Variants in LSG1 observed in about 807,000 individuals in gnomAD.
The protein encoded by LSG1 is large subunit GTPase 1 homolog.
A neutral mutation model predicts 82.6 loss-of-function variants in LSG1; 55 were observed. That is an observed-to-expected ratio of 0.67 (90% CI 0.54 to 0.83). LSG1 has a LOEUF of 0.83. LSG1 is among the 40% of genes least tolerant of loss of function. The pLI, the probability that LSG1 is intolerant of heterozygous loss-of-function variation, is 0.00. For missense variants in LSG1, 809 were observed against 807.9 expected (o/e 1.00, Z -0.02); for synonymous variants, 272 against 282.5 (o/e 0.96, Z 0.37).
intron 10 of LSG1, chr3:194,649,169 T>C (rs1161710950): frequency 2.3e-5 from 5 of 222,180 alleles, no homozygotes; most frequent in Non-Finnish European, 4.4e-5. Context: ...AGGATTACTT[T>C]TCCTCCTTTG....
At position 194,666,837 on chromosome 3, in the gene LSG1, C is replaced by A. The variant is rs186064416; in HGVS notation, c.227-265G>T. 3.3e-3 allele frequency among the ~76,000 whole-genome samples: 504 copies of A among 152,252 alleles called. 3 individuals are homozygous for A. Among genetic ancestry groups the A allele is most frequent in the Non-Finnish European group, 5.9e-3 (404 of 68,024 alleles). Reference sequence around the variant, plus strand: ...CACATTTTCCCTGCTATTGAACATTCAGTTTCCAAGTTTTCATTATTAAAA... The same window carrying A: ...CACATTTTCCCTGCTATTGAACATTAAGTTTCCAAGTTTTCATTATTAAAA... On this transcript the variant is annotated intron_variant, in intron 2 of 13. Transcript: ENST00000265245.
chr3:194,662,625 G>T (rs1202393065), intron 5 of LSG1, among the ~76,000 whole-genome samples: 1 of 152,164 alleles, frequency 6.6e-6, no homozygotes, highest in African/African-American at 2.4e-5. Context: ...AGCCGGGCGT[G>T]GTGGCGCGTG....
Position 194,642,195 on chromosome 3 carries a change from G to A in LSG1, c.1850C>T (p.Pro617Leu), listed in dbSNP as rs771409056. 2.4e-5 allele frequency: 38 copies of A among 1,613,822 alleles called. No homozygotes were observed. The South Asian group carries it at 3.7e-4, about 16-fold the overall frequency. Residue 617 changes from proline to leucine, a missense_variant, in exon 14 of 14, where the codon CCC (proline) becomes CTC (leucine). Transcript: ENST00000265245. ...GGATGCAGTCACTACACCACTCCCGGGCTTGTAACCCATCACAGCCTGGAC... is the reference window on the plus strand; with the variant it reads ...GGATGCAGTCACTACACCACTCCCGAGCTTGTAACCCATCACAGCCTGGAC... Reference protein sequence around the residue: ...KGVQAVMGYKPGSGVVTASTA... With the variant: ...KGVQAVMGYKLGSGVVTASTA...
chr3:194,648,859 A>T, intron 10 of LSG1, 55 bp from the exon 11 acceptor site: 1 of 1,601,778 alleles, frequency 6.2e-7, no homozygotes, highest in Non-Finnish European at 8.5e-7. Context: ...CCCATGGCAT[A>T]CAAATCGTGC....
In LSG1 at chr3:194,648,721, G is replaced by C. The variant is rs1718606962; in HGVS notation, c.1503C>G (p.His501Gln). ...IITPREDEDP[H>Q]RPPTSEELLT... Reference sequence around the variant, plus strand: ...ACAGTTCTTCCGATGTTGGAGGTCGGTGGGGATCTTCATCCTCTCTAGGCG... The same window carrying C: ...ACAGTTCTTCCGATGTTGGAGGTCGCTGGGGATCTTCATCCTCTCTAGGCG... Residue 501 changes from histidine (H) to glutamine (Q), a missense_variant, in exon 11 of 14, where the codon CAC becomes CAG. Physicochemically the swap from His to Gln is conservative, Grantham distance 24 (BLOSUM62 0). Coordinates refer to ENST00000265245, the MANE Select transcript of LSG1 (RefSeq NM_018385.3). 3.1e-6 allele frequency: 5 copies of C among 1,613,932 alleles called. No individual in the cohort carries two copies. The highest frequency in any genetic ancestry group is 4.2e-6 in the Non-Finnish European group (5 of 1,179,992).
chr3:194,645,547 C>CACACAG (rs1718519141), intron 12 of LSG1: 1 of 46,838 alleles, frequency 2.1e-5, no homozygotes, highest in African/African-American at 7.4e-5. Flanking sequence ...CACACACACA[C>CACACAG]ACACACACAC....
At chr3:194,650,708 T>A (rs1773205) in intron 10 of LSG1, 173 bp downstream of exon 10, 301,663 of 613,148 alleles carry the variant, frequency 0.49, 76,172 homozygotes, top group Non-Finnish European at 0.53. Flanking sequence ...ACTGCTGAAA[T>A]CAGGAAATGA....
chr3:194,668,675 A>T (rs1230204897), intron 2 of LSG1, among the ~76,000 whole-genome samples: 2 of 152,164 alleles, frequency 1.3e-5, no homozygotes, highest in African/African-American at 4.8e-5. Context: ...CTCCTAACTC[A>T]TCTTGCTTCC....
intron 11 of LSG1, 77 bp downstream of exon 11, chr3:194,648,604 T>C (rs1718603742): frequency 7.1e-7 from 1 of 1,414,772 alleles, no homozygotes; most frequent in African/African-American, 1.4e-5. Flanking sequence ...GCAATTCTAG[T>C]ACTATTACTA....
At chr3:194,663,233 AACG>A (rs1280977949) in intron 5 of LSG1, among the ~76,000 whole-genome samples, 1 of 152,204 alleles carries the variant, frequency 6.6e-6, no homozygotes. Flanking sequence ...AGGAGGCACC[AACG>A]AAGAGGCTAC....
rs1719113810 is a variant in LSG1, at chr3:194,670,098, C to T, written c.137G>A (p.Gly46Asp). The change falls in exon 2 of 14, where the codon GGT becomes GAT. Residue 46 changes from glycine to aspartate, a missense_variant. Coordinates refer to ENST00000265245, the MANE Select transcript of LSG1 (RefSeq NM_018385.3). The part of the protein sequence containing the change: ...TSELNDGYDW[G>D]RLNLQSVTEQ... ...AGTCACTGACTGAAGATTAAGACGA[C>T]CCCAATCATAGCCATCATTGAGTTC... 2 of 1,613,528 alleles carry T rather than the reference C, an allele frequency of 1.2e-6. No homozygotes were observed. Among genetic ancestry groups the T allele is most frequent in the African/African-American group, 1.3e-5 (1 of 74,794 alleles).
intron 13 of LSG1, among the ~76,000 whole-genome samples, 189 bp downstream of exon 13, chr3:194,644,384 A>C (rs1395685392): frequency 1.0e-5 from 1 of 99,378 alleles, no homozygotes; most frequent in Non-Finnish European, 2.1e-5. Flanking sequence ...AAAAAAATAA[A>C]AATAAATAAA....
At chr3:194,642,346 T>A in intron 13 of LSG1, 99 bp from the exon 14 acceptor site, 3 of 1,007,538 alleles carry the variant, frequency 3.0e-6, no homozygotes, top group Non-Finnish European at 4.2e-6. Context: ...TAAAAAGGAG[T>A]CAGTCACTGG....
At chr3:194,642,447 G>A (rs367657196) in intron 13 of LSG1, among the ~76,000 whole-genome samples, 200 bp from the exon 14 acceptor site, 33 of 141,510 alleles carry the variant, frequency 2.3e-4, no homozygotes, top group African/African-American at 5.9e-4. Flanking sequence ...TCATTCCCTC[G>A]TCAACTTTGT....
intron 2 of LSG1, among the ~76,000 whole-genome samples, chr3:194,669,636 C>T (rs1383626136): frequency 1.3e-5 from 2 of 152,166 alleles, no homozygotes; most frequent in African/African-American, 4.8e-5. Context: ...AACATCTACT[C>T]ATTGTTCAAG....
chr3:194,667,952 T>A (rs867407274), intron 2 of LSG1, among the ~76,000 whole-genome samples: 7,423 of 69,416 alleles, frequency 0.11, 508 homozygotes, highest in African/African-American at 0.23. Context: ...AATATATATA[T>A]ATATATATAT....
chr3:194,642,595 TA>T (rs533820809), intron 13 of LSG1, among the ~76,000 whole-genome samples: 2 of 148,382 alleles, frequency 1.3e-5, no homozygotes, highest in Non-Finnish European at 3.0e-5. Context: ...GTTTACTTAG[TA>T]AAAAAAAAAA....
chr3:194,645,515 C>CACACACACACACAG (rs1718507184), intron 12 of LSG1: 13 of 53,962 alleles, frequency 2.4e-4, no homozygotes, highest in Non-Finnish European at 2.1e-4. Flanking sequence ...CACACACACA[C>CACACACACACACAG]ACACACACAC....
At chr3:194,645,794 T>C (rs1718538706) in intron 12 of LSG1, among the ~76,000 whole-genome samples, 1 of 152,228 alleles carries the variant, frequency 6.6e-6, no homozygotes, top group Non-Finnish European at 1.5e-5. Flanking sequence ...GAACTATTTC[T>C]AGCAGGGTTA....
Sources: allele counts gnomAD v4.1 joint callset (sites outside exome capture counted in the v4.1 genomes callset), GRCh38; gene constraint gnomAD v4.1.1; transcripts MANE v1.5; gene names NCBI Gene and HGNC (gene_info 2026-07-23, HGNC 2026-07-21).